Variants in IPO11 observed in about 807,000 individuals in gnomAD.
IPO11 encodes importin 11.
A neutral mutation model predicts 143.2 loss-of-function variants in IPO11; 66 were observed. The ratio of observed to expected loss-of-function variants is 0.46; its 90% CI spans 0.38 to 0.57. The LOEUF is 0.57. Ranked by LOEUF, IPO11 falls within the 20% of genes least tolerant of loss-of-function variation. The pLI, the probability that IPO11 is intolerant of heterozygous loss-of-function variation, is 0.00. For missense variants in IPO11, 1,026 were observed against 1,141.0 expected, an observed-to-expected ratio of 0.90 and a Z score of 1.45; for synonymous variants, 385 against 377.8, an observed-to-expected ratio of 1.02 and a Z score of -0.22.
intron 1 of IPO11, among the ~76,000 whole-genome samples, chr5:62,429,151 T>G (rs182442557): frequency 2.1e-3 from 319 of 152,320 alleles, no homozygotes; most frequent in Non-Finnish European, 3.6e-3. Context: ...TCGTTCCAAA[T>G]AGCAGTTGCT....
chr5:62,586,808 A>G (rs1293734043), intron 27 of IPO11, among the ~76,000 whole-genome samples: 1 of 113,352 alleles, frequency 8.8e-6, no homozygotes, highest in African/African-American at 3.3e-5. Flanking sequence ...TATATTCATG[A>G]TTACCTTGTA....
chr5:62,414,669 C>A (rs1373402585), intron 1 of IPO11, among the ~76,000 whole-genome samples: 1 of 152,126 alleles, frequency 6.6e-6, no homozygotes, highest in East Asian at 1.9e-4. Flanking sequence ...TATAGCATCA[C>A]CTGGGAGTTT....
rs182170069 is a variant in IPO11, at chr5:62,431,243, T to C, written c.-6-6031T>C. On this transcript the variant is annotated intron_variant, in intron 1 of 29. Coordinates refer to ENST00000325324, the MANE Select transcript of IPO11 (RefSeq NM_016338.5). ...ATCCGCCCACCTCGACCTCCCAAAG[T>C]GCTGGCATTACAGGTGTGAGCTACC... 2.4e-4 allele frequency among the ~76,000 whole-genome samples: 37 copies of C among 152,228 alleles called. 1 individual carries two copies. The East Asian group carries it at 6.6e-3, about 27-fold the overall frequency.
intron 15 of IPO11, among the ~76,000 whole-genome samples, chr5:62,490,843 C>T (rs1240038620): frequency 2.0e-5 from 3 of 152,184 alleles, no homozygotes; most frequent in East Asian, 3.8e-4. Context: ...GCAACCTCCA[C>T]CTCCCAGGTC....
chr5:62,579,856 C>T, intron 27 of IPO11: 1 of 1,548,602 alleles, frequency 6.5e-7, no homozygotes, highest in Non-Finnish European at 8.7e-7. Context: ...TTTATATTTA[C>T]AGTATAATCA....
intron 26 of IPO11, among the ~76,000 whole-genome samples, chr5:62,559,033 A>G (rs1359743963): frequency 1.3e-5 from 2 of 152,244 alleles, no homozygotes; most frequent in Non-Finnish European, 2.9e-5. Context: ...TGAATTAAAA[A>G]TAATTTATTG....
chr5:62,491,059 A>T (rs1746592799), intron 15 of IPO11, among the ~76,000 whole-genome samples: 1 of 152,180 alleles, frequency 6.6e-6, no homozygotes, highest in Admixed American at 6.5e-5. Flanking sequence ...AATTTGAAAA[A>T]ATTCTAAGGG....
At position 62,418,769 on chromosome 5, in the gene IPO11, A is replaced by G. The variant is rs150415405; in HGVS notation, c.-7+5840A>G. On this transcript the variant is annotated intron_variant, in intron 1 of 29. Coordinates refer to ENST00000325324, the MANE Select transcript of IPO11 (RefSeq NM_016338.5). ...AGATACATTTTATACATATTTCACT[A>G]AAGATGTTCACGTATTGTCTCCAAG... The G allele has an allele frequency of 4.5e-4, 155 of 346,442 alleles. No homozygotes were observed. In the East Asian group the frequency reaches 7.2e-3, roughly 16 times the overall value. 21.5% of individuals were successfully genotyped at this position (346,442 alleles called of 1,614,324 possible). A position where few individuals can be genotyped will look rare whatever the true frequency, so the allele number is the denominator to read the frequency against.
intron 19 of IPO11, 49 bp from the exon 20 acceptor site, chr5:62,515,339 C>G: frequency 1.5e-6 from 2 of 1,290,760 alleles, no homozygotes; most frequent in Non-Finnish European, 2.2e-6. Context: ...AGTAAATTGC[C>G]TTCTTTACCA....
At chr5:62,460,459 C>G (rs1745315745) in intron 5 of IPO11, among the ~76,000 whole-genome samples, 1 of 152,164 alleles carries the variant, frequency 6.6e-6, no homozygotes, top group South Asian at 2.1e-4. Context: ...TATTTTTTGT[C>G]TCAGTATTCG....
chr5:62,514,384 G>T (rs1419210039), intron 19 of IPO11, among the ~76,000 whole-genome samples: 1 of 152,034 alleles, frequency 6.6e-6, no homozygotes, highest in Non-Finnish European at 1.5e-5. Flanking sequence ...GCGGCTAGGA[G>T]CTGGAGACCA....
chr5:62,613,348 G>C (rs1746001018), intron 29 of IPO11, among the ~76,000 whole-genome samples: 1 of 101,686 alleles, frequency 9.8e-6, no homozygotes, highest in Non-Finnish European at 1.8e-5. Flanking sequence ...TTCTCACCCA[G>C]TTTGGAGTGC....
intron 22 of IPO11, among the ~76,000 whole-genome samples, chr5:62,534,768 A>G (rs915051166): frequency 3.1e-4 from 47 of 152,262 alleles, no homozygotes; most frequent in Middle Eastern, 6.8e-3. Flanking sequence ...AGTGATGACA[A>G]AAATGTTTCT....
At position 62,580,782 on chromosome 5, in the gene IPO11, G is replaced by A. The variant is rs781079516; in HGVS notation, c.2583-10795G>A. The A allele has an allele frequency of 1.9e-6, 3 of 1,551,410 alleles. No individual in the cohort carries two copies. In the South Asian group the frequency reaches 3.6e-5, roughly 18 times the overall value. Reference sequence around the variant, plus strand: ...ATGGCAGTCCTCTGGAAAATACTGAGACTGAGAACATTACTTTCTGGGAAC... The same window carrying A: ...ATGGCAGTCCTCTGGAAAATACTGAAACTGAGAACATTACTTTCTGGGAAC... On this transcript the variant is annotated intron_variant, in intron 27 of 29. Coordinates refer to ENST00000325324, the MANE Select transcript of IPO11 (RefSeq NM_016338.5).
intron 19 of IPO11, among the ~76,000 whole-genome samples, chr5:62,514,154 G>A (rs892466553): frequency 1.3e-5 from 2 of 151,894 alleles, no homozygotes; most frequent in African/African-American, 4.9e-5. Context: ...ACGATGGGCA[G>A]CCAGGCAGAG....
intron 5 of IPO11, among the ~76,000 whole-genome samples, chr5:62,453,826 A>T (rs1745026480): frequency 6.6e-6 from 1 of 151,996 alleles, no homozygotes; most frequent in Non-Finnish European, 1.5e-5. Flanking sequence ...TTCATTTTTA[A>T]CTCAATGGGT....
intron 27 of IPO11, chr5:62,580,824 T>A: frequency 6.4e-7 from 1 of 1,551,412 alleles, no homozygotes; most frequent in Non-Finnish European, 8.7e-7. Flanking sequence ...CTACTTCACC[T>A]GCTGGTAGAT....
chr5:62,593,207 T>TC (rs1745098480), intron 28 of IPO11, among the ~76,000 whole-genome samples: 2 of 152,142 alleles, frequency 1.3e-5, no homozygotes, highest in African/African-American at 4.8e-5. Flanking sequence ...TATGTTACAG[T>TC]CTTCAGGGAA....
chr5:62,441,774 C>T (rs1189719103), intron 2 of IPO11, among the ~76,000 whole-genome samples: 1 of 151,502 alleles, frequency 6.6e-6, no homozygotes, highest in South Asian at 2.1e-4. Flanking sequence ...GCCTCGGCCT[C>T]CCAGAGTGCA....
Sources: allele counts gnomAD v4.1 joint callset (sites outside exome capture counted in the v4.1 genomes callset), GRCh38; gene constraint gnomAD v4.1.1; transcripts MANE v1.5; gene names NCBI Gene and HGNC (gene_info 2026-07-23, HGNC 2026-07-21).